LGI3: variants seen among roughly 807,000 people sequenced by gnomAD.
LGI3 encodes the protein leucine rich repeat LGI family member 3.
In LGI3, 47 loss-of-function variants were observed where a neutral mutation model predicts 55.4. That is an observed-to-expected ratio of 0.85 (90% CI 0.67 to 1.08). LGI3 has a LOEUF of 1.08. Ranked by LOEUF, LGI3 falls within the 50% of genes least tolerant of loss-of-function variation. The probability of loss-of-function intolerance (pLI) is 0.00; values close to 1 mark genes in which losing one functional copy is unlikely to be tolerated. For synonymous variants in LGI3, 326 were observed against 315.0 expected, an observed-to-expected ratio of 1.04 and a Z score of -0.37; for missense variants, 664 against 726.3, an observed-to-expected ratio of 0.91 and a Z score of 0.99.
chr8:22,151,993 G>T lies in LGI3; in HGVS notation c.502C>A (p.Arg168=), dbSNP rs371552621. ...CAGTCACAGTTGAGTGAGTTGCCCC[G>T]CAGGTCCCTGCATCATGAGGGCAGA... ...PLDILNDLDL[R]GNSLNCDCKV... The change falls in exon 6 of 8, where the codon CGG becomes AGG. Residue 168 remains arginine, a synonymous_variant. Transcript: ENST00000306317. 5 of 1,597,678 alleles carry T rather than the reference G, an allele frequency of 3.1e-6. No homozygotes were observed. The highest frequency in any genetic ancestry group is 2.7e-5 in the African/African-American group (2 of 74,816).
intron 5 of LGI3, among the ~76,000 whole-genome samples, chr8:22,153,075 CTTT>C (rs572007865): frequency 1.6e-5 from 2 of 127,920 alleles, no homozygotes; most frequent in African/African-American, 2.9e-5. Flanking sequence ...TTTTAAAGTA[CTTT>C]TTTTTTTTTT....
Position 22,154,642 on chromosome 8 carries a change from A to AAAGGTGGAATTAGAGCTTCC in LGI3, c.279-31_279-12dup, listed in dbSNP as rs1827463108. 3.7e-6 allele frequency: 6 copies of AAAGGTGGAATTAGAGCTTCC among 1,609,018 alleles called. No individual in the cohort carries two copies. The highest frequency in any genetic ancestry group is 1.7e-5 in the Admixed American group (1 of 59,992). The stretch of plus-strand genomic sequence containing the variant: ...TTGGAGTTGAGTAACCTGCAGAGAC[A>AAAGGTGGAATTAGAGCTTCC]AAGGTGGAATTAGAGCTTCCAAGGG... On this transcript the variant is annotated splice_polypyrimidine_tract_variant and intron_variant, in intron 2 of 7. Coordinates refer to ENST00000306317, the MANE Select transcript of LGI3 (RefSeq NM_139278.4).
rs1341202289 is a variant in LGI3 at position 22,151,904 on chromosome 8, G to A, written c.591C>T (p.Cys197=). The A allele has an allele frequency of 8.1e-6, 13 of 1,613,242 alleles. No homozygotes were observed. Among genetic ancestry groups the A allele is most frequent in the African/African-American group, 4.0e-5 (3 of 75,032 alleles). Reference sequence around the variant, plus strand: ...GCTCCTGGAAGCGGGGCGGGCTGGCGCAGTAGATGGGTGCCACCGTGGTGT... The same window carrying A: ...GCTCCTGGAAGCGGGGCGGGCTGGCACAGTAGATGGGTGCCACCGTGGTGT... ...HTNTTVAPIY[C]ASPPRFQEHK... is the part of the protein sequence containing the mutation. The change falls in exon 6 of 8, where the codon TGC becomes TGT. Residue 197 remains cysteine, a synonymous_variant. Transcript: ENST00000306317.
Position 22,148,339 on chromosome 8 carries a change from TGA to T in LGI3, c.1466_1467del (p.Phe489TyrfsTer8). 6.2e-7 allele frequency: 1 copy of T among 1,613,406 alleles called. No homozygotes were observed. Among genetic ancestry groups the T allele is most frequent in the Non-Finnish European group, 8.5e-7 (1 of 1,179,818 alleles). On this transcript the variant is annotated frameshift_variant, in exon 8 of 8. Transcript: ENST00000306317. LOFTEE classifies it high-confidence loss of function. The surrounding 1 kb of genome is among the most constrained non-coding windows in gnomAD (Gnocchi z 7.0). ...RYLALGSDFS[F>X]TQIYQWDEGR... ...CCCTCATCCCACTGGTAGATCTGGGTGAAGGAGAAATCACTGCCCAGTGCCAG... is the reference window on the plus strand; with the variant it reads ...CCCTCATCCCACTGGTAGATCTGGGTAGGAGAAATCACTGCCCAGTGCCAG...
At chr8:22,155,225 A>T in intron 2 of LGI3, 167 bp downstream of exon 2, 1 of 680,046 alleles carries the variant, frequency 1.5e-6, no homozygotes, top group South Asian at 1.7e-5. Flanking sequence ...CCCTGACTCA[A>T]GGCTGCCCCG....
rs1358051029 is a variant in LGI3 at position 22,147,073 on chromosome 8, G to C, written c.*1087C>G. On this transcript the variant is annotated 3_prime_UTR_variant, in exon 8 of 8. Transcript: ENST00000306317. ...GGGCCTCTGTGGACTGGTGGGGCCA[G>C]GGCTGCAACACGCCCTCAGGCCAAG... 2 of 152,252 alleles carry C rather than the reference G, an allele frequency of 1.3e-5. No homozygotes were observed. Among genetic ancestry groups the C allele is most frequent in the Admixed American group, 6.5e-5 (1 of 15,288 alleles). 9.4% of individuals were successfully genotyped at this position (152,252 alleles called of 1,614,324 possible). A position where few individuals can be genotyped will look rare whatever the true frequency, so the allele number is the denominator to read the frequency against.
rs1299729377 is a variant in LGI3 at position 22,154,436 on chromosome 8, C to G, written c.350+124G>C. Reference sequence around the variant, plus strand: ...CCTGCCATCACGGGATGCAAGGGCTCTCGCCTCCCATCACCTTCCCTTCCT... The same window carrying G: ...CCTGCCATCACGGGATGCAAGGGCTGTCGCCTCCCATCACCTTCCCTTCCT... On this transcript the variant is annotated intron_variant, in intron 3 of 7. Coordinates refer to ENST00000306317, the MANE Select transcript of LGI3 (RefSeq NM_139278.4). 5.6e-5 allele frequency: 51 copies of G among 915,724 alleles called. 2 individuals are homozygous for G. The South Asian group carries it at 7.1e-4, about 13-fold the overall frequency. The allele number at this position is 915,724 out of a possible 1,614,324, so 56.7% of individuals were successfully genotyped here. A position where few individuals can be genotyped will look rare whatever the true frequency, so the allele number is the denominator to read the frequency against.
chr8:22,152,822 G>A (rs550843083), intron 5 of LGI3, among the ~76,000 whole-genome samples: 9 of 151,392 alleles, frequency 5.9e-5, no homozygotes, highest in Admixed American at 3.3e-4. Context: ...AGGCAGAGGC[G>A]AGTGGATCAA....
Position 22,151,844 on chromosome 8 carries a change from A to C in LGI3, c.651T>G (p.Asp217Glu). ...GGCACCTCCTACCTGTGGTGATGCA[A>C]TCGAACTCCCGCAGCGGCAGGTCCT... The part of the protein sequence containing the change: ...KVQDLPLREF[D>E]CITTDFVLYQ... The change falls in exon 6 of 8, where the codon GAT (aspartate) becomes GAG (glutamate). Residue 217 changes from aspartate (D) to glutamate (E), a missense_variant. Physicochemically the swap from Asp to Glu is conservative, Grantham distance 45. Coordinates refer to ENST00000306317, the MANE Select transcript of LGI3 (RefSeq NM_139278.4). The C allele has an allele frequency of 6.2e-7, 1 of 1,609,688 alleles. No individual in the cohort carries two copies. Among genetic ancestry groups the C allele is most frequent in the Non-Finnish European group, 8.5e-7 (1 of 1,177,546 alleles).
intron 5 of LGI3, among the ~76,000 whole-genome samples, chr8:22,153,724 A>AC (rs1827446484): frequency 2.1e-5 from 3 of 144,282 alleles, no homozygotes; most frequent in South Asian, 2.2e-4. Flanking sequence ...AAAAAAAAAA[A>AC]AACACACACA....
In LGI3 at chr8:22,147,890, G is replaced by A. The variant is rs1827325423; in HGVS notation, c.*270C>T. 2.2e-6 allele frequency: 1 copy of A among 452,288 alleles called. No individual in the cohort carries two copies. Among genetic ancestry groups the A allele is most frequent in the African/African-American group, 2.0e-5 (1 of 51,024 alleles). The allele number at this position is 452,288 out of a possible 1,614,324, so 28.0% of individuals were successfully genotyped here. On this transcript the variant is annotated 3_prime_UTR_variant, in exon 8 of 8. Coordinates refer to ENST00000306317, the MANE Select transcript of LGI3 (RefSeq NM_139278.4). The stretch of plus-strand genomic sequence containing the variant: ...AGACAGGGGGCAGAGCATGGGAAAG[G>A]CTGCAGAGTAGGGGGGGCCTGCAGT...
Position 22,148,152 on chromosome 8 carries a change from G to A in LGI3, c.*8C>T, listed in dbSNP as rs370347514. 1.7e-4 allele frequency: 275 copies of A among 1,573,810 alleles called. 1 individual carries two copies. The highest frequency in any genetic ancestry group is 2.1e-4 in the Non-Finnish European group (249 of 1,161,292). On this transcript the variant is annotated 3_prime_UTR_variant, in exon 8 of 8. Coordinates refer to ENST00000306317, the MANE Select transcript of LGI3 (RefSeq NM_139278.4). This position sits in a 1 kb window ranked among gnomAD's most constrained non-coding sequence, Gnocchi z 7.0. ...CCACCCTGAGGAGACCAGAGGCCTC[G>A]GCACCCCCTAGGCACTGAGATCCAC...
At chr8:22,151,125 C>T (rs1051648982) in intron 7 of LGI3, among the ~76,000 whole-genome samples, 5 of 152,086 alleles carry the variant, frequency 3.3e-5, no homozygotes, top group South Asian at 2.1e-4. Flanking sequence ...CCTCATTTCC[C>T]GGTCCATCTA....
chr8:22,151,588 C>A lies in LGI3; in HGVS notation c.730G>T (p.Asp244Tyr). ...GGCTGGGCCAGAGCCAAATAGAGGT[C>A]ACTGGAGTAGAGGAAGGGCTCAGCC... is the stretch of plus-strand genomic sequence containing the variant. ...VSAEPFLYSS[D>Y]LYLALAQPGV... The change falls in exon 7 of 8, where the codon GAC becomes TAC. Residue 244 changes from aspartate (D) to tyrosine (Y), a missense_variant. Asp to Tyr is a radical substitution (Grantham distance 160, BLOSUM62 -3). Coordinates refer to ENST00000306317, the MANE Select transcript of LGI3 (RefSeq NM_139278.4). The A allele has an allele frequency of 6.2e-7, 1 of 1,614,062 alleles. No homozygotes were observed. Among genetic ancestry groups the A allele is most frequent in the South Asian group, 1.1e-5 (1 of 91,062 alleles).
intron 5 of LGI3, among the ~76,000 whole-genome samples, 174 bp from the exon 6 acceptor site, chr8:22,152,174 A>G (rs1413243287): frequency 1.3e-5 from 2 of 152,230 alleles, no homozygotes; most frequent in Non-Finnish European, 2.9e-5. Context: ...GTAGCCCCAC[A>G]GACACAGGCT....
chr8:22,153,724 A>C (rs886938821), intron 5 of LGI3, among the ~76,000 whole-genome samples: 12 of 144,380 alleles, frequency 8.3e-5, no homozygotes, highest in African/African-American at 2.2e-4. Flanking sequence ...AAAAAAAAAA[A>C]AACACACACA....
At chr8:22,153,125 C>G (rs1162649865) in intron 5 of LGI3, among the ~76,000 whole-genome samples, 1 of 149,486 alleles carries the variant, frequency 6.7e-6, no homozygotes, top group African/African-American at 2.5e-5. Context: ...GCTCTTGTCG[C>G]CCAGGCTGGA....
intron 7 of LGI3, 56 bp downstream of exon 7, chr8:22,151,433 G>T: frequency 6.5e-7 from 1 of 1,544,250 alleles, no homozygotes; most frequent in East Asian, 2.2e-5. Flanking sequence ...GAACGATGGA[G>T]CCCACTCCCC....
At chr8:22,149,015 G>T in intron 7 of LGI3, 38 bp from the exon 8 acceptor site, 1 of 1,493,920 alleles carries the variant, frequency 6.7e-7, no homozygotes. Context: ...CAGGCAGGCC[G>T]GCGGCTCCCA....
Sources: gnomAD v4.1 joint callset for allele counts (sites outside exome capture counted in the v4.1 genomes callset) on GRCh38, gnomAD v4.1.1 for gene constraint, Gnocchi (gnomAD v3.1) non-coding constraint, MANE v1.5 for transcripts, NCBI Gene and HGNC (gene_info 2026-07-23, HGNC 2026-07-21) for gene names.